The following IPO7 variants were observed in gnomAD, a reference collection of about 807,000 sequenced individuals.
The protein encoded by IPO7 is importin 7.
A neutral mutation model predicts 136.4 loss-of-function variants in IPO7; 13 were observed. The ratio of observed to expected loss-of-function variants is 0.10; its 90% confidence interval spans 0.06 to 0.15. The LOEUF is 0.15. IPO7 is among the 10% of genes least tolerant of loss of function. IPO7 has a pLI of 1.00. For synonymous variants in IPO7, 403 were observed against 404.4 expected, an observed-to-expected ratio of 1.00 and a Z score of 0.04; for missense variants, 857 against 1,240.6, an observed-to-expected ratio of 0.69 and a Z score of 4.65.
rs183969927 is a variant in IPO7 at position 9,400,673 on chromosome 11, C to T, written c.85-2617C>T. ...TCCTGACCTCGTGGTCCGCCCGCCT[C>T]GGCCTCCTAAAGTGCTGGGATTACA... On this transcript the variant is annotated intron_variant, in intron 1 of 24. Coordinates refer to ENST00000379719, the MANE Select transcript of IPO7 (RefSeq NM_006391.3). Among the ~76,000 whole-genome samples the T allele has an allele frequency of 5.0e-3, 756 of 151,984 alleles. 5 individuals are homozygous for T. The highest frequency in any genetic ancestry group is 0.017 in the African/African-American group (726 of 41,492).
At chr11:9,439,777 G>A (rs1262657193) in intron 22 of IPO7, among the ~76,000 whole-genome samples, 2 of 152,044 alleles carry the variant, frequency 1.3e-5, no homozygotes, top group Admixed American at 6.6e-5. Flanking sequence ...GTTTCACCGT[G>A]TTGGCCAGGG....
rs1170735782 is a variant in IPO7 at position 9,425,161 on chromosome 11, A to G, written c.1234A>G (p.Met412Val). Residue 412 changes from methionine to valine, a missense_variant, in exon 12 of 25, where the codon ATG (methionine) becomes GTG (valine). Transcript: ENST00000379719. ...TTTAATCTAGGTACTGCAAAAGACT[A>G]TGGGATTTTGTTACCAGATTCTTAC... Reference protein sequence around the residue: ...SKRKEVLQKTMGFCYQILTEP... With the variant: ...SKRKEVLQKTVGFCYQILTEP... 2 of 1,607,828 alleles carry G rather than the reference A, an allele frequency of 1.2e-6. No homozygotes were observed. The highest frequency in any genetic ancestry group is 1.7e-5 in the Admixed American group (1 of 60,022).
intron 8 of IPO7, among the ~76,000 whole-genome samples, chr11:9,422,149 CATGT>C (rs1855142097): frequency 6.6e-6 from 1 of 151,852 alleles, no homozygotes; most frequent in African/African-American, 2.4e-5. Context: ...TGTGGTGGTG[CATGT>C]CTGTAATCCC....
In IPO7 at chr11:9,410,024, C is replaced by A. The variant is rs144587793; in HGVS notation, c.417C>A (p.Ser139=). Residue 139 remains serine (S), a synonymous_variant, in exon 4 of 25, where the codon TCC becomes TCA. Transcript: ENST00000379719. ...IVDKIGFYLQ[S]DNSACWLGIL... Reference sequence around the variant, plus strand: ...ACAAAATTGGCTTTTATCTTCAGTCCGATAACAGTGCTTGTTGGCTAGGAA... The same window carrying A: ...ACAAAATTGGCTTTTATCTTCAGTCAGATAACAGTGCTTGTTGGCTAGGAA... 1.2e-6 allele frequency: 2 copies of A among 1,604,592 alleles called. No homozygotes were observed. The highest frequency in any genetic ancestry group is 1.7e-6 in the Non-Finnish European group (2 of 1,176,486).
intron 19 of IPO7, 88 bp from the exon 20 acceptor site, chr11:9,436,183 G>A: frequency 2.4e-6 from 2 of 832,998 alleles, no homozygotes; most frequent in Non-Finnish European, 4.0e-6. Context: ...CTCAGAGCCT[G>A]TACACAGGGT....
At chr11:9,388,767 A>C (rs1854587279) in intron 1 of IPO7, among the ~76,000 whole-genome samples, 2 of 151,926 alleles carry the variant, frequency 1.3e-5, no homozygotes, top group Admixed American at 1.3e-4. Context: ...ACTGCACTAC[A>C]TAGTACACTA....
intron 16 of IPO7, among the ~76,000 whole-genome samples, chr11:9,431,993 G>C (rs1024584917): frequency 6.6e-6 from 1 of 151,914 alleles, no homozygotes; most frequent in Non-Finnish European, 1.5e-5. Flanking sequence ...AAGAAAGAAA[G>C]AAAAAACAAT....
chr11:9,384,809 C>A lies in IPO7; in HGVS notation c.46C>A (p.Pro16Thr), dbSNP rs1401444928. ...IIEALRGTMD[P>T]ALREAAERQL... ...CGAGGCCCTGCGGGGCACTATGGACCCAGCCCTGCGTGAGGCCGCGGAGCG... is the reference window on the plus strand; with the variant it reads ...CGAGGCCCTGCGGGGCACTATGGACACAGCCCTGCGTGAGGCCGCGGAGCG... Residue 16 changes from proline (P) to threonine (T), a missense_variant, in exon 1 of 25, where the codon CCA becomes ACA. By Grantham distance (38) the Pro-to-Thr change is conservative. Coordinates refer to ENST00000379719, the MANE Select transcript of IPO7 (RefSeq NM_006391.3). 1 of 1,607,474 alleles carries A rather than the reference C, an allele frequency of 6.2e-7. No individual in the cohort carries two copies. Among genetic ancestry groups the A allele is most frequent in the Admixed American group, 1.7e-5 (1 of 59,404 alleles).
chr11:9,406,926 T>C (rs930209009), intron 2 of IPO7, among the ~76,000 whole-genome samples: 1 of 152,168 alleles, frequency 6.6e-6, no homozygotes, highest in Admixed American at 6.6e-5. Flanking sequence ...ATTTCTGTAG[T>C]GCATGGCATA....
rs1855166869 is a variant in IPO7, at chr11:9,423,814, A to T, written c.1079A>T (p.Tyr360Phe). Reference protein sequence around the residue: ...IQDVIFPLMCYTDADEELWQE... With the variant: ...IQDVIFPLMCFTDADEELWQE... The stretch of plus-strand genomic sequence containing the variant: ...GATGTTATTTTTCCATTGATGTGCT[A>T]TACAGATGCTGATGAGGAACTTTGG... The change falls in exon 10 of 25, where the codon TAT (tyrosine) becomes TTT (phenylalanine). Residue 360 changes from tyrosine (Y) to phenylalanine (F), a missense_variant. Around this residue, in one of 11 missense-constraint regions of IPO7, gnomAD observed 127 missense variants for 222.4 expected, o/e 0.57. Transcript: ENST00000379719. 6.2e-7 allele frequency: 1 copy of T among 1,609,448 alleles called. No individual in the cohort carries two copies. Among genetic ancestry groups the T allele is most frequent in the Non-Finnish European group, 8.5e-7 (1 of 1,176,682 alleles).
At chr11:9,392,822 G>A (rs1854655324) in intron 1 of IPO7, among the ~76,000 whole-genome samples, 1 of 151,720 alleles carries the variant, frequency 6.6e-6, no homozygotes, top group African/African-American at 2.4e-5. Context: ...GGTGTTGCGT[G>A]CCTGTAATCC....
rs1252327320 is a variant in IPO7 at position 9,410,011 on chromosome 11, T to C, written c.404T>C (p.Phe135Ser). 1.2e-6 allele frequency: 2 copies of C among 1,607,934 alleles called. No homozygotes were observed. The highest frequency in any genetic ancestry group is 3.4e-5 in the Admixed American group (2 of 58,926). Residue 135 changes from phenylalanine to serine, a missense_variant, in exon 4 of 25, where the codon TTT (phenylalanine) becomes TCT (serine). Phe to Ser is a radical substitution (Grantham distance 155, BLOSUM62 -2). This residue lies in a region of IPO7 where 287 missense variants were observed against 307.5 expected (regional missense o/e 0.93). Coordinates refer to ENST00000379719, the MANE Select transcript of IPO7 (RefSeq NM_006391.3). ...RWTAIVDKIG[F>S]YLQSDNSACW... ...ACTGCCATTGTGGACAAAATTGGCTTTTATCTTCAGTCCGATAACAGTGCT... is the reference window on the plus strand; with the variant it reads ...ACTGCCATTGTGGACAAAATTGGCTCTTATCTTCAGTCCGATAACAGTGCT...
chr11:9,420,750 T>C, intron 8 of IPO7, 52 bp downstream of exon 8: 1 of 1,196,010 alleles, frequency 8.4e-7, no homozygotes, highest in East Asian at 2.3e-5. Flanking sequence ...TTTAAGTTAA[T>C]TTATATATTG....
At chr11:9,393,500 C>G (rs929966055) in intron 1 of IPO7, among the ~76,000 whole-genome samples, 1 of 152,174 alleles carries the variant, frequency 6.6e-6, no homozygotes, top group African/African-American at 2.4e-5. Context: ...CTGCCTCAGC[C>G]TCCCTAGTAG....
In IPO7 at chr11:9,445,237, T is replaced by C. The variant is rs1855512486; in HGVS notation, c.*43T>C. The stretch of plus-strand genomic sequence containing the variant: ...TGCTGTGTGCTTGTAGTGAAGAGCT[T>C]GTGTTCCTCCTAGTAGTGGTTCCAG... On this transcript the variant is annotated 3_prime_UTR_variant, in exon 25 of 25. Coordinates refer to ENST00000379719, the MANE Select transcript of IPO7 (RefSeq NM_006391.3). 8.2e-7 allele frequency: 1 copy of C among 1,222,136 alleles called. No homozygotes were observed. Among genetic ancestry groups the C allele is most frequent in the African/African-American group, 1.5e-5 (1 of 67,086 alleles). 75.7% of individuals were successfully genotyped at this position (1,222,136 alleles called of 1,614,324 possible).
intron 23 of IPO7, 112 bp downstream of exon 23, chr11:9,440,773 T>A: frequency 1.2e-6 from 1 of 844,764 alleles, no homozygotes; most frequent in Non-Finnish European, 1.9e-6. Context: ...TAGAAAAGGC[T>A]GGTTAGGCAA....
At chr11:9,437,641 G>C (rs1855398214) in intron 20 of IPO7, 113 bp from the exon 21 acceptor site, 1 of 723,772 alleles carries the variant, frequency 1.4e-6, no homozygotes. Flanking sequence ...AGTAAATATT[G>C]GTCATCTAAT....
chr11:9,437,355 C>T (rs774805565), intron 20 of IPO7, among the ~76,000 whole-genome samples: 9 of 69,888 alleles, frequency 1.3e-4, no homozygotes, highest in East Asian at 1.2e-3. Flanking sequence ...CCCAGGTTCA[C>T]GCCATTCTCC....
In IPO7 at chr11:9,408,615, T is replaced by C. The variant is rs1281747998; in HGVS notation, c.296T>C (p.Ile99Thr). The part of the protein sequence containing the change: ...HCIRENIVEA[I>T]IHSPELIRVQ... ...ATTCGAGAAAATATTGTAGAAGCCATTATCCATTCTCCTGAGCTCATCAGG... is the reference window on the plus strand; with the variant it reads ...ATTCGAGAAAATATTGTAGAAGCCACTATCCATTCTCCTGAGCTCATCAGG... The change falls in exon 3 of 25, where the codon ATT (isoleucine) becomes ACT (threonine). Residue 99 changes from isoleucine (I) to threonine (T), a missense_variant. By Grantham distance (89) the Ile-to-Thr change is moderately conservative. Transcript: ENST00000379719. 6.2e-7 allele frequency: 1 copy of C among 1,608,692 alleles called. No homozygotes were observed. Among genetic ancestry groups the C allele is most frequent in the African/African-American group, 1.3e-5 (1 of 74,680 alleles).
Sources: allele counts gnomAD v4.1 joint callset (sites outside exome capture counted in the v4.1 genomes callset), GRCh38; gene constraint gnomAD v4.1.1; regional missense constraint gnomAD v4.1.1; transcripts MANE v1.5; gene names NCBI Gene and HGNC (gene_info 2026-07-23, HGNC 2026-07-21).